The following CSMD1 variants were observed in gnomAD, a reference collection of about 807,000 sequenced individuals.
The protein encoded by CSMD1 is CUB and Sushi multiple domains 1, also known as CUB and sushi domain-containing protein 1.
In CSMD1, 213 loss-of-function variants were observed where a neutral mutation model predicts 417.5. That is an observed-to-expected ratio of 0.51 (90% CI 0.46 to 0.57). The LOEUF (loss-of-function observed/expected upper bound fraction) is 0.57. CSMD1 is among the 20% of genes least tolerant of loss of function. The pLI is 0.00. For synonymous variants in CSMD1, 2,862 were observed against 1,736.8 expected (o/e 1.65, Z -16.11); for missense variants, 6,923 against 4,529.7 (o/e 1.53, Z -15.17).
intron 3 of CSMD1, among the ~76,000 whole-genome samples, chr8:4,314,505 C>G (rs187226833): frequency 4.6e-4 from 70 of 152,236 alleles, no homozygotes; most frequent in African/African-American, 1.7e-3. Flanking sequence ...GCAGTCTGGA[C>G]TTTGCTAATG....
At chr8:4,117,602 G>C (rs1018108138) in intron 3 of CSMD1, among the ~76,000 whole-genome samples, 5 of 152,156 alleles carry the variant, frequency 3.3e-5, no homozygotes, top group African/African-American at 1.2e-4. Context: ...TTTTTACAAA[G>C]GACTTCCAGT....
intron 1 of CSMD1, among the ~76,000 whole-genome samples, chr8:4,839,784 C>T (rs1197534092): frequency 6.6e-6 from 1 of 152,064 alleles, no homozygotes; most frequent in Non-Finnish European, 1.5e-5. Context: ...GCATAAACAA[C>T]AGATTTAGAC....
At chr8:4,043,925 T>G (rs1432289274) in intron 3 of CSMD1, among the ~76,000 whole-genome samples, 1 of 152,196 alleles carries the variant, frequency 6.6e-6, no homozygotes, top group Non-Finnish European at 1.5e-5. Context: ...AGACCTATGA[T>G]ATTTCCACCA....
At chr8:4,747,138 G>C (rs1348033799) in intron 1 of CSMD1, among the ~76,000 whole-genome samples, 2 of 152,210 alleles carry the variant, frequency 1.3e-5, no homozygotes, top group Non-Finnish European at 2.9e-5. Context: ...AGAGGTTGAA[G>C]AGATTTGGCC....
chr8:4,756,914 A>C (rs1303185572), intron 1 of CSMD1, among the ~76,000 whole-genome samples: 1 of 152,258 alleles, frequency 6.6e-6, no homozygotes, highest in Non-Finnish European at 1.5e-5. Flanking sequence ...CTTTAACCGG[A>C]AACAGCTGTG....
At chr8:4,864,505 A>T (rs956786422) in intron 1 of CSMD1, among the ~76,000 whole-genome samples, 5 of 151,822 alleles carry the variant, frequency 3.3e-5, no homozygotes, top group African/African-American at 1.2e-4. Flanking sequence ...TTTGATTTCT[A>T]TTTAGTTTTT....
intron 16 of CSMD1, among the ~76,000 whole-genome samples, chr8:3,397,652 A>G (rs917315602): frequency 6.6e-6 from 1 of 152,218 alleles, no homozygotes; most frequent in Non-Finnish European, 1.5e-5. Context: ...TTCAAATTCA[A>G]GAAGTCTGGC....
chr8:4,935,394 G>C (rs1040589129), intron 1 of CSMD1, among the ~76,000 whole-genome samples: 1 of 152,132 alleles, frequency 6.6e-6, no homozygotes, highest in Non-Finnish European at 1.5e-5. Context: ...CACCTCAAAA[G>C]CCCTATTACT....
intron 2 of CSMD1, among the ~76,000 whole-genome samples, chr8:4,512,360 C>A (rs1419069154): frequency 6.6e-6 from 1 of 152,198 alleles, no homozygotes; most frequent in Non-Finnish European, 1.5e-5. Flanking sequence ...TCAAAGCTTT[C>A]TCACTAAGAG....
chr8:3,292,285 G>A (rs909801465), intron 25 of CSMD1, among the ~76,000 whole-genome samples: 1 of 152,210 alleles, frequency 6.6e-6, no homozygotes, highest in Non-Finnish European at 1.5e-5. Context: ...GTGTGGTGCT[G>A]AAAAGAATGT....
chr8:4,963,047 A>G (rs560505990), intron 1 of CSMD1, among the ~76,000 whole-genome samples: 1 of 152,262 alleles, frequency 6.6e-6, no homozygotes, highest in East Asian at 1.9e-4. Flanking sequence ...TTACTCCTGC[A>G]TGGAACTGCA....
intron 7 of CSMD1, among the ~76,000 whole-genome samples, chr8:3,636,053 C>G (rs1384139993): frequency 6.7e-6 from 1 of 149,356 alleles, no homozygotes. Context: ...TATCCTTACT[C>G]TATAAGCTTT....
intron 7 of CSMD1, among the ~76,000 whole-genome samples, chr8:3,666,025 A>G (rs1381877674): frequency 6.6e-6 from 1 of 152,134 alleles, no homozygotes; most frequent in African/African-American, 2.4e-5. Context: ...TCCACGGAGT[A>G]GGTGGGATTA....
chr8:3,501,912 A>C (rs1166978676), intron 10 of CSMD1, among the ~76,000 whole-genome samples: 2 of 152,240 alleles, frequency 1.3e-5, no homozygotes, highest in Non-Finnish European at 2.9e-5. Flanking sequence ...TACCATAGAT[A>C]CTGGATAAAT....
At chr8:4,342,801 T>C (rs1011828356) in intron 3 of CSMD1, among the ~76,000 whole-genome samples, 5 of 151,858 alleles carry the variant, frequency 3.3e-5, no homozygotes, top group Non-Finnish European at 1.5e-5. Flanking sequence ...GGAAAGGTGG[T>C]TCGTTCCTGC....
intron 10 of CSMD1, among the ~76,000 whole-genome samples, chr8:3,507,435 T>C (rs1017863574): frequency 6.6e-6 from 1 of 152,204 alleles, no homozygotes; most frequent in African/African-American, 2.4e-5. Context: ...TCCAAGTCTT[T>C]GCTATTGTGA....
In CSMD1 at chr8:3,861,970, T is replaced by G. The variant is rs577494471; in HGVS notation, c.819-107928A>C. Among the ~76,000 whole-genome samples, 11 of 152,334 alleles carry G rather than the reference T, an allele frequency of 7.2e-5. No homozygotes were observed. In the East Asian group the frequency reaches 1.7e-3, roughly 24 times the overall value. On this transcript the variant is annotated intron_variant, in intron 5 of 69. Coordinates refer to ENST00000635120, the MANE Select transcript of CSMD1 (RefSeq NM_033225.6). Reference sequence around the variant, plus strand: ...GTACCCTGGTTTAATATCTGTTTTCTGTGATGAATGTGTTTATATCTTGTG... The same window carrying G: ...GTACCCTGGTTTAATATCTGTTTTCGGTGATGAATGTGTTTATATCTTGTG...
intron 3 of CSMD1, among the ~76,000 whole-genome samples, chr8:4,326,561 A>T (rs555956985): frequency 3.9e-5 from 6 of 152,362 alleles, no homozygotes; most frequent in South Asian, 4.1e-4. Context: ...AAGGAAAGTG[A>T]ACGTTAGAAG....
chr8:4,289,013 G>C (rs1797213910), intron 3 of CSMD1, among the ~76,000 whole-genome samples: 1 of 152,090 alleles, frequency 6.6e-6, no homozygotes, highest in South Asian at 2.1e-4. Flanking sequence ...CATCTTTCAA[G>C]CTATCTGTTC....
Sources: gnomAD v4.1 joint callset for allele counts (sites outside exome capture counted in the v4.1 genomes callset) on GRCh38, gnomAD v4.1.1 for gene constraint, MANE v1.5 for transcripts, NCBI Gene and HGNC (gene_info 2026-07-23, HGNC 2026-07-21) for gene names.